Variants in NNMT observed in about 807,000 individuals in gnomAD.
NNMT encodes the protein nicotinamide N-methyltransferase.
In NNMT, 10 loss-of-function variants were observed where a neutral mutation model predicts 11.7. The observed-to-expected ratio is 0.85, with a 90% confidence interval of 0.53 to 1.45. The LOEUF (loss-of-function observed/expected upper bound fraction) is 1.45, where lower values mean the gene tolerates loss of function less well. NNMT is among the 40% of genes most tolerant of loss of function. The pLI is 0.00. For missense variants in NNMT, 381 were observed against 319.4 expected (o/e 1.19, Z -1.47); for synonymous variants, 143 against 133.8 (o/e 1.07, Z -0.48).
rs759370666 is a variant in NNMT at position 114,298,060 on chromosome 11, C to T, written c.264C>T (p.Asp88=). ...FKEIVVTDYS[D]QNLQELEKWL... is the part of the protein sequence containing the mutation. ...AGATCGTCGTCACTGACTACTCAGA[C>T]CAGAACCTGCAGGAGCTGGAGAAGT... The change falls in exon 2 of 3, where the codon GAC becomes GAT. Residue 88 remains aspartate, a synonymous_variant. Transcript: ENST00000299964. The T allele has an allele frequency of 7.4e-6, 12 of 1,614,014 alleles. No homozygotes were observed. Among genetic ancestry groups the T allele is most frequent in the African/African-American group, 4.0e-5 (3 of 74,918 alleles).
chr11:114,303,984 T>C (rs149626181), intron 2 of NNMT, among the ~76,000 whole-genome samples: 17 of 152,352 alleles, frequency 1.1e-4, no homozygotes, highest in African/African-American at 4.1e-4. Flanking sequence ...ATATTGGCTA[T>C]AGCCTTCAAA....
chr11:114,305,341 C>CT (rs34437402), intron 2 of NNMT, among the ~76,000 whole-genome samples: 94,064 of 146,554 alleles, frequency 0.64, 32,224 homozygotes, highest in East Asian at 0.8. Flanking sequence ...GTGGCTCCTC[C>CT]TTTTTTTTTT....
rs1355949400 is a variant in NNMT at position 114,296,604 on chromosome 11, C to A, written c.48C>A (p.Asn16Lys). ...AGGACACCTATCTAAGCCATTTTAA[C>A]CCTCGGGATTACCTAGAAAAATATT... ...TSKDTYLSHF[N>K]PRDYLEKYYK... The change falls in exon 1 of 3, where the codon AAC (asparagine) becomes AAA (lysine). Residue 16 changes from asparagine to lysine, a missense_variant. By Grantham distance (94) the Asn-to-Lys change is moderately conservative (BLOSUM62 0). Transcript: ENST00000299964. The A allele has an allele frequency of 1.9e-6, 3 of 1,614,014 alleles. No homozygotes were observed. Among genetic ancestry groups the A allele is most frequent in the Non-Finnish European group, 2.5e-6 (3 of 1,180,024 alleles).
chr11:114,313,299 A>C lies in NNMT; in HGVS notation c.*822A>C, dbSNP rs1440544836. 2 of 152,280 alleles carry C rather than the reference A, an allele frequency of 1.3e-5. No homozygotes were observed. Among genetic ancestry groups the C allele is most frequent in the East Asian group, 3.9e-4 (2 of 5,174 alleles). The allele number at this position is 152,280 out of a possible 1,614,324, so 9.4% of individuals were successfully genotyped here. On this transcript the variant is annotated 3_prime_UTR_variant, in exon 3 of 3. Transcript: ENST00000299964. The stretch of plus-strand genomic sequence containing the variant: ...TTCGAGACTGGCCTGGGGAACATGC[A>C]AAAACCCTGTCTGTATTAAAAATAC...
intron 2 of NNMT, among the ~76,000 whole-genome samples, chr11:114,280,323 T>G (rs1055632254): frequency 1.3e-5 from 2 of 151,988 alleles, no homozygotes; most frequent in Non-Finnish European, 2.9e-5. Flanking sequence ...TAGACAGACC[T>G]GGGCTGGGCT....
Position 114,280,913 on chromosome 11 carries a change from C to T in NNMT, c.-129-15515C>T, listed in dbSNP as rs77841928. 5.0e-3 allele frequency among the ~76,000 whole-genome samples: 760 copies of T among 152,252 alleles called. 3 individuals are homozygous for T. The highest frequency in any genetic ancestry group is 0.016 in the African/African-American group (680 of 41,534). On this transcript the variant is annotated intron_variant, in intron 2 of 4. Transcript: ENST00000535401. ...CTCCTGTTCTCCCAGATCCTGACCA[C>T]TGAATGAGGGAACCAGGAAGAGGAA... is the stretch of plus-strand genomic sequence containing the variant.
intron 2 of NNMT, among the ~76,000 whole-genome samples, chr11:114,284,418 C>T (rs1322082164): frequency 2.6e-5 from 4 of 152,202 alleles, no homozygotes. Context: ...CCAAGTAGTC[C>T]TCAACCACCT....
intron 2 of NNMT, among the ~76,000 whole-genome samples, chr11:114,290,763 G>T (rs956647509): frequency 1.3e-5 from 2 of 152,144 alleles, no homozygotes; most frequent in Non-Finnish European, 2.9e-5. Flanking sequence ...CGTACTAGTG[G>T]CAAGCTTTTA....
At chr11:114,311,050 G>A (rs1230943168) in intron 2 of NNMT, among the ~76,000 whole-genome samples, 1 of 152,124 alleles carries the variant, frequency 6.6e-6, no homozygotes, top group Non-Finnish European at 1.5e-5. Context: ...ACTGGGTCAG[G>A]TGTGGTGGTG....
chr11:114,258,425 T>C (rs576253215), intron 1 of NNMT, among the ~76,000 whole-genome samples: 2 of 152,282 alleles, frequency 1.3e-5, no homozygotes, highest in Admixed American at 6.5e-5. Context: ...TTGCAGCCCG[T>C]GAGAAGAGGC....
At chr11:114,260,635 ATC>A (rs1273291160) in intron 1 of NNMT, among the ~76,000 whole-genome samples, 10 of 152,180 alleles carry the variant, frequency 6.6e-5, no homozygotes, top group Admixed American at 2.0e-4. Flanking sequence ...CCTTGCCTGC[ATC>A]TCTGAGTGCC....
intron 2 of NNMT, among the ~76,000 whole-genome samples, chr11:114,264,963 G>A (rs764725148): frequency 9.9e-5 from 15 of 152,258 alleles, no homozygotes; most frequent in East Asian, 1.9e-4. Context: ...GTCCTTTTGG[G>A]TTTTTATGGA....
chr11:114,274,511 T>C (rs1945200180), intron 2 of NNMT, among the ~76,000 whole-genome samples: 1 of 152,226 alleles, frequency 6.6e-6, no homozygotes, highest in African/African-American at 2.4e-5. Context: ...GTTCGGTGTT[T>C]GTTTTTGCAC....
At chr11:114,309,591 C>G (rs1591840610) in intron 2 of NNMT, among the ~76,000 whole-genome samples, 1 of 152,292 alleles carries the variant, frequency 6.6e-6, no homozygotes, top group Middle Eastern at 3.4e-3. Context: ...CTCTCTCTCT[C>G]TCTCTCTTTT....
At chr11:114,284,656 G>A (rs950313494) in intron 2 of NNMT, among the ~76,000 whole-genome samples, 1 of 150,898 alleles carries the variant, frequency 6.6e-6, no homozygotes, top group African/African-American at 2.4e-5. Flanking sequence ...TAGAGACGGG[G>A]TTTCACCGTG....
intron 2 of NNMT, among the ~76,000 whole-genome samples, chr11:114,306,581 C>T (rs376242394): frequency 1.4e-3 from 217 of 152,210 alleles, no homozygotes; most frequent in African/African-American, 3.9e-3. Flanking sequence ...AGCCAGTTTT[C>T]CCAGCACCAT....
At position 114,311,815 on chromosome 11, in the gene NNMT, C is replaced by T. The variant is rs191176774; in HGVS notation, c.363-230C>T. On this transcript the variant is annotated intron_variant, in intron 2 of 2. Transcript: ENST00000299964. Reference sequence around the variant, plus strand: ...GAAGCAGGCTGCTAGGTATTATTATCGTTTTCACATACTATTCACTTTATG... The same window carrying T: ...GAAGCAGGCTGCTAGGTATTATTATTGTTTTCACATACTATTCACTTTATG... Among the ~76,000 whole-genome samples the T allele has an allele frequency of 1.1e-4, 16 of 152,260 alleles. No individual in the cohort carries two copies. The East Asian group carries it at 2.9e-3, about 28-fold the overall frequency.
chr11:114,292,341 G>C (rs191168671), upstream of NNMT, among the ~76,000 whole-genome samples: 2 of 152,320 alleles, frequency 1.3e-5, no homozygotes, highest in East Asian at 3.9e-4. Flanking sequence ...TTTTCTTCCA[G>C]CAAACATAAG....
chr11:114,263,265 T>A (rs548042635), intron 2 of NNMT, among the ~76,000 whole-genome samples: 1 of 148,566 alleles, frequency 6.7e-6, no homozygotes, highest in Non-Finnish European at 1.5e-5. Context: ...GTACCCCCCC[T>A]GTTTCTAAGA....
Sources: gnomAD v4.1 joint callset for allele counts (sites outside exome capture counted in the v4.1 genomes callset) on GRCh38, gnomAD v4.1.1 for gene constraint, MANE v1.5 for transcripts, NCBI Gene and HGNC (gene_info 2026-07-23, HGNC 2026-07-21) for gene names.